The following STPG2 variants were observed in gnomAD, a reference collection of about 807,000 sequenced individuals.
STPG2 encodes sperm-tail PG-rich repeat-containing protein 2.
STPG2 carries 56 observed loss-of-function variants against 54.2 expected under a neutral mutation model. The observed-to-expected ratio is 1.03, with a 90% CI of 0.83 to 1.29. STPG2 has a LOEUF of 1.29. STPG2 is among the 50% of genes most tolerant of loss of function. STPG2 has a pLI of 0.00. For synonymous variants in STPG2, 200 were observed against 181.8 expected (o/e 1.10, Z -0.81); for missense variants, 596 against 544.9 (o/e 1.09, Z -0.93).
chr4:98,025,288 TG>T (rs1480374505), intron 5 of STPG2: 30 of 185,892 alleles, frequency 1.6e-4, no homozygotes. Context: ...GTTGTTTCGT[TG>T]TTGTGTAAAA....
At chr4:97,705,189 G>A (rs906726410) in intron 10 of STPG2, among the ~76,000 whole-genome samples, 1 of 151,966 alleles carries the variant, frequency 6.6e-6, no homozygotes, top group African/African-American at 2.4e-5. Context: ...ATTCTCCAGT[G>A]CCTCTTTGAC....
intron 9 of STPG2, among the ~76,000 whole-genome samples, chr4:97,801,020 G>A (rs1420909360): frequency 6.6e-6 from 1 of 152,212 alleles, no homozygotes; most frequent in Admixed American, 6.5e-5. Context: ...CGTTTGCTAA[G>A]ACCATTGTAA....
intron 8 of STPG2, among the ~76,000 whole-genome samples, chr4:97,888,709 G>A (rs1469821515): frequency 6.6e-6 from 1 of 152,118 alleles, no homozygotes; most frequent in Non-Finnish European, 1.5e-5. Flanking sequence ...AGAGATTATT[G>A]TACATTGCAA....
chr4:97,522,574 TAGTGGG>T (rs1301786882), intron 4 of STPG2, among the ~76,000 whole-genome samples: 1 of 152,010 alleles, frequency 6.6e-6, no homozygotes, highest in African/African-American at 2.4e-5. Flanking sequence ...TTAGGGTCAT[TAGTGGG>T]ACTTGAGTCA....
intron 4 of STPG2, among the ~76,000 whole-genome samples, chr4:97,444,511 C>G (rs1361226321): frequency 6.6e-6 from 1 of 152,088 alleles, no homozygotes; most frequent in African/African-American, 2.4e-5. Flanking sequence ...AATATGCCAA[C>G]CTGAACTTCT....
intron 10 of STPG2, among the ~76,000 whole-genome samples, chr4:97,584,195 G>A (rs1385017260): frequency 5.9e-5 from 9 of 151,938 alleles, no homozygotes; most frequent in Non-Finnish European, 2.9e-5. Context: ...TCAGAACGCA[G>A]TGTAATAAAA....
chr4:97,977,485 G>A (rs1032014098), intron 6 of STPG2, among the ~76,000 whole-genome samples: 4 of 152,080 alleles, frequency 2.6e-5, no homozygotes, highest in African/African-American at 7.2e-5. Context: ...ACTGGATTCT[G>A]ACCCTTTTGA....
In STPG2 at chr4:97,595,173, C is replaced by T. The variant is rs564596513; in HGVS notation, c.1321-36056G>A. On this transcript the variant is annotated intron_variant, in intron 10 of 10. Transcript: ENST00000295268. ...CACATATGTTTACTGCAGCACTATT[C>T]ACAATAGCAAAGACTTGGAACCAAC... Among the ~76,000 whole-genome samples, 281 of 152,284 alleles carry T rather than the reference C, an allele frequency of 1.8e-3. 1 individual carries two copies. Among genetic ancestry groups the T allele is most frequent in the African/African-American group, 6.3e-3 (263 of 41,544 alleles).
intron 9 of STPG2, among the ~76,000 whole-genome samples, chr4:97,727,620 A>T (rs1038202007): frequency 6.6e-6 from 1 of 151,960 alleles, no homozygotes; most frequent in Non-Finnish European, 1.5e-5. Context: ...AACAAGGTTC[A>T]AACAGGTTTA....
Position 97,840,706 on chromosome 4 carries a change from T to C in STPG2, c.1204+67A>G, listed in dbSNP as rs1379098625. 20 of 1,526,436 alleles carry C rather than the reference T, an allele frequency of 1.3e-5. No homozygotes were observed. In the African/African-American group the frequency reaches 1.8e-4, roughly 14 times the overall value. 94.6% of individuals were successfully genotyped at this position (1,526,436 alleles called of 1,614,324 possible). ...GTCTCCAAGAACCTATCAATGATTC[T>C]AGATATTTTAATATGGAAACCTTAG... On this transcript the variant is annotated intron_variant, in intron 9 of 10. Coordinates refer to ENST00000295268, the MANE Select transcript of STPG2 (RefSeq NM_174952.3).
chr4:98,079,713 G>A (rs1192670832), intron 5 of STPG2, among the ~76,000 whole-genome samples: 1 of 151,982 alleles, frequency 6.6e-6, no homozygotes, highest in Admixed American at 6.6e-5. Context: ...ACTTCATAAT[G>A]TGATATAGCA....
chr4:97,729,431 TGA>T (rs1185421752), intron 9 of STPG2, among the ~76,000 whole-genome samples: 1 of 152,284 alleles, frequency 6.6e-6, no homozygotes, highest in Admixed American at 6.5e-5. Context: ...TTTATTTTGG[TGA>T]AGCCACCTAT....
chr4:97,633,426 C>A (rs1465388160), intron 10 of STPG2: 3 of 152,046 alleles, frequency 2.0e-5, no homozygotes, highest in Admixed American at 2.0e-4. Flanking sequence ...ATTCAAATTT[C>A]ATTTGTTTAT....
intron 9 of STPG2, among the ~76,000 whole-genome samples, chr4:97,722,523 T>C (rs190740945): frequency 2.0e-5 from 3 of 152,236 alleles, no homozygotes; most frequent in Non-Finnish European, 4.4e-5. Context: ...TTAGAATAAT[T>C]GTCATTCTTT....
At chr4:97,737,046 G>A (rs1390171405) in intron 9 of STPG2, among the ~76,000 whole-genome samples, 5 of 152,238 alleles carry the variant, frequency 3.3e-5, no homozygotes, top group Middle Eastern at 6.8e-3. Context: ...CAGCATTCGC[G>A]GTTCACAAAA....
At chr4:97,644,427 TAAG>T (rs1560700731) in intron 10 of STPG2, among the ~76,000 whole-genome samples, 1 of 151,928 alleles carries the variant, frequency 6.6e-6, no homozygotes, top group Admixed American at 6.6e-5. Flanking sequence ...GCCAAACAAA[TAAG>T]AACCTTAAAA....
chr4:97,673,197 T>C (rs1218514922), intron 10 of STPG2, among the ~76,000 whole-genome samples: 1 of 152,232 alleles, frequency 6.6e-6, no homozygotes, highest in Non-Finnish European at 1.5e-5. Context: ...ACAATGTCAG[T>C]TGATGTTACA....
chr4:98,119,369 T>G (rs62318908), intron 3 of STPG2, among the ~76,000 whole-genome samples: 5,728 of 151,838 alleles, frequency 0.038, 173 homozygotes, highest in Non-Finnish European at 0.062. Context: ...ATAAATAAAC[T>G]GTACTCTTCA....
chr4:98,010,317 C>T (rs1023220349), intron 5 of STPG2, among the ~76,000 whole-genome samples: 3 of 151,996 alleles, frequency 2.0e-5, no homozygotes, highest in East Asian at 1.9e-4. Flanking sequence ...TTTCAAGAAA[C>T]GTTTTAATTG....
Sources: gnomAD v4.1 joint callset for allele counts (sites outside exome capture counted in the v4.1 genomes callset) on GRCh38, gnomAD v4.1.1 for gene constraint, MANE v1.5 for transcripts, NCBI Gene and HGNC (gene_info 2026-07-23, HGNC 2026-07-21) for gene names.